CNTNAP4: variants seen among roughly 807,000 people sequenced by gnomAD.
The protein encoded by CNTNAP4 is contactin-associated protein-like 4.
CNTNAP4 carries 98 observed loss-of-function variants against 148.4 expected under a neutral mutation model. The ratio of observed to expected loss-of-function variants is 0.66; its 90% CI spans 0.56 to 0.78. The LOEUF is 0.78. CNTNAP4 is among the 30% of genes least tolerant of loss of function. The probability of loss-of-function intolerance (pLI) is 0.00; values close to 1 mark genes in which losing one functional copy is unlikely to be tolerated. For missense variants in CNTNAP4, 1,935 were observed against 1,565.6 expected (o/e 1.24, Z -3.98); for synonymous variants, 730 against 565.1 (o/e 1.29, Z -4.14).
At chr16:76,338,895 A>G (rs1424506063) in intron 2 of CNTNAP4, among the ~76,000 whole-genome samples, 1 of 152,222 alleles carries the variant, frequency 6.6e-6, no homozygotes, top group East Asian at 1.9e-4. Context: ...ACACTGTAGA[A>G]TACAGAAGTG....
rs1382250142 is a variant in CNTNAP4 at position 76,553,837 on chromosome 16, T to C, written c.3663T>C (p.Asp1221=). 3 of 1,608,436 alleles carry C rather than the reference T, an allele frequency of 1.9e-6. No homozygotes were observed. Among genetic ancestry groups the C allele is most frequent in the South Asian group, 2.2e-5 (2 of 90,698 alleles). The change falls in exon 23 of 24, where the codon GAT becomes GAC. Residue 1221 remains aspartate (D), a splice_region_variant and synonymous_variant. Coordinates refer to ENST00000611870, the MANE Select transcript of CNTNAP4 (RefSeq NM_033401.5). The part of the protein sequence containing the change: ...TSRERTHSFA[D]HSGTIDDREP... ...CCCTTTGTTGTGCTTTAACTGCAGA[T>C]CATTCTGGAACAATAGATGACAGAG...
intron 3 of CNTNAP4, among the ~76,000 whole-genome samples, chr16:76,425,006 TG>T (rs1568115003): frequency 6.6e-6 from 1 of 152,132 alleles, no homozygotes; most frequent in Non-Finnish European, 1.5e-5. Flanking sequence ...GAATAAGATT[TG>T]GTTAGTGCAA....
rs554546059 is a variant in CNTNAP4, at chr16:76,370,709, T to A, written c.390+15198T>A. 2.1e-4 allele frequency among the ~76,000 whole-genome samples: 32 copies of A among 152,310 alleles called. No homozygotes were observed. In the South Asian group the frequency reaches 5.2e-3, roughly 25 times the overall value. ...TGTTACTAACGACAAATTGCCTCTATGAGCTGCTTTTTCTTTGCTTATAGA... is the reference window on the plus strand; with the variant it reads ...TGTTACTAACGACAAATTGCCTCTAAGAGCTGCTTTTTCTTTGCTTATAGA... On this transcript the variant is annotated intron_variant, in intron 3 of 23. Coordinates refer to ENST00000611870, the MANE Select transcript of CNTNAP4 (RefSeq NM_033401.5).
At chr16:76,326,256 C>G (rs943284102) in intron 2 of CNTNAP4, among the ~76,000 whole-genome samples, 2 of 152,052 alleles carry the variant, frequency 1.3e-5, no homozygotes, top group Non-Finnish European at 2.9e-5. Flanking sequence ...TGTGAAGGGC[C>G]CCAGACTCTG....
At chr16:76,430,699 A>G (rs552738901) in intron 4 of CNTNAP4, among the ~76,000 whole-genome samples, 4 of 152,160 alleles carry the variant, frequency 2.6e-5, no homozygotes, top group African/African-American at 9.7e-5. Context: ...TCTGCACCAA[A>G]TTAACGTGAC....
intron 2 of CNTNAP4, among the ~76,000 whole-genome samples, chr16:76,346,029 T>A (rs1279207110): frequency 6.6e-6 from 1 of 152,174 alleles, no homozygotes; most frequent in Non-Finnish European, 1.5e-5. Flanking sequence ...GATCTTGGAC[T>A]TCTCAGCCTC....
At chr16:76,348,010 A>G (rs1419227948) in intron 2 of CNTNAP4, among the ~76,000 whole-genome samples, 1 of 152,152 alleles carries the variant, frequency 6.6e-6, no homozygotes, top group East Asian at 1.9e-4. Flanking sequence ...ACAGGAAGAA[A>G]GAGAGACTTA....
intron 1 of CNTNAP4, among the ~76,000 whole-genome samples, chr16:76,292,789 T>G (rs987254526): frequency 2.0e-5 from 3 of 152,208 alleles, no homozygotes; most frequent in African/African-American, 7.2e-5. Context: ...ACTTTCTGCT[T>G]ATCAGGGACA....
rs534892771 is a variant in CNTNAP4 at position 76,382,255 on chromosome 16, A to G, written c.390+26744A>G. On this transcript the variant is annotated intron_variant, in intron 3 of 23. Transcript: ENST00000611870. ...AAAGCCATTTCTAAAAAGCAAAAGTAAAATGGAACAAATAAACTATTTGTT... is the reference window on the plus strand; with the variant it reads ...AAAGCCATTTCTAAAAAGCAAAAGTGAAATGGAACAAATAAACTATTTGTT... 1.6e-4 allele frequency among the ~76,000 whole-genome samples: 24 copies of G among 152,218 alleles called. 1 individual carries two copies. Among genetic ancestry groups the G allele is most frequent in the Admixed American group, 1.0e-3 (16 of 15,290 alleles).
intron 3 of CNTNAP4, among the ~76,000 whole-genome samples, chr16:76,374,757 T>TTAGTAG (rs879295473): frequency 6.1e-5 from 9 of 146,486 alleles, no homozygotes; most frequent in Non-Finnish European, 1.0e-4. Context: ...ATTATTATTA[T>TTAGTAG]TATTATTATT....
At chr16:76,312,479 T>A (rs559716383) in intron 1 of CNTNAP4, among the ~76,000 whole-genome samples, 1 of 152,286 alleles carries the variant, frequency 6.6e-6, no homozygotes, top group South Asian at 2.1e-4. Flanking sequence ...ATTTAATTTA[T>A]ATGTAGAGAA....
At chr16:76,515,270 A>G (rs1203128128) in intron 15 of CNTNAP4, among the ~76,000 whole-genome samples, 2 of 152,230 alleles carry the variant, frequency 1.3e-5, no homozygotes, top group African/African-American at 4.8e-5. Context: ...TATGGGTGTT[A>G]CGTACTAAAT....
intron 21 of CNTNAP4, among the ~76,000 whole-genome samples, chr16:76,545,095 A>G (rs1298499391): frequency 1.3e-5 from 2 of 152,266 alleles, no homozygotes; most frequent in Non-Finnish European, 2.9e-5. Context: ...TTTTAAAAGC[A>G]TGTTTTAAAA....
At chr16:76,375,479 C>T (rs1324880657) in intron 3 of CNTNAP4, among the ~76,000 whole-genome samples, 1 of 152,124 alleles carries the variant, frequency 6.6e-6, no homozygotes, top group Non-Finnish European at 1.5e-5. Context: ...TTGAATATTG[C>T]ATAGGGCTTT....
At chr16:76,552,817 C>T (rs1365847929) in intron 21 of CNTNAP4, among the ~76,000 whole-genome samples, 4 of 152,136 alleles carry the variant, frequency 2.6e-5, no homozygotes, top group African/African-American at 9.7e-5. Flanking sequence ...TCGGGTTGGG[C>T]ATCTGATAAC....
At chr16:76,396,317 C>G (rs2078203747) in intron 3 of CNTNAP4, among the ~76,000 whole-genome samples, 1 of 152,114 alleles carries the variant, frequency 6.6e-6, no homozygotes, top group Non-Finnish European at 1.5e-5. Flanking sequence ...AGCCAGACAC[C>G]ACCAGAAACA....
chr16:76,409,666 A>C (rs1221695332), intron 3 of CNTNAP4, among the ~76,000 whole-genome samples: 9 of 152,144 alleles, frequency 5.9e-5, no homozygotes, highest in Admixed American at 3.9e-4. Context: ...TTCTATTGGT[A>C]TCTTTTGTCT....
chr16:76,420,273 G>GATTA (rs1555550111), intron 3 of CNTNAP4, among the ~76,000 whole-genome samples: 1 of 147,216 alleles, frequency 6.8e-6, no homozygotes, highest in Non-Finnish European at 1.5e-5. Flanking sequence ...ATATTCTATA[G>GATTA]GAGATAAATA....
At chr16:76,390,547 A>C (rs141604827) in intron 3 of CNTNAP4, among the ~76,000 whole-genome samples, 1 of 149,322 alleles carries the variant, frequency 6.7e-6, no homozygotes, top group Non-Finnish European at 1.5e-5. Flanking sequence ...ACTTAATGCT[A>C]TCTCTTCTGG....
Sources: gnomAD v4.1 joint callset for allele counts (sites outside exome capture counted in the v4.1 genomes callset) on GRCh38, gnomAD v4.1.1 for gene constraint, MANE v1.5 for transcripts, NCBI Gene and HGNC (gene_info 2026-07-23, HGNC 2026-07-21) for gene names.